The following CD164L2 variants were observed in gnomAD, a reference collection of about 807,000 sequenced individuals.
CD164L2 encodes the protein CD164 molecule like 2.
A neutral mutation model predicts 23.9 loss-of-function variants in CD164L2; 21 were observed. The observed-to-expected ratio is 0.88, with a 90% CI of 0.62 to 1.27. The LOEUF is 1.27. Among genes scored for constraint, CD164L2 ranks in the 50% most tolerant of loss-of-function variants. The pLI is 0.00. For synonymous variants in CD164L2, 92 were observed against 90.2 expected, an observed-to-expected ratio of 1.02 and a Z score of -0.11; for missense variants, 230 against 224.8, an observed-to-expected ratio of 1.02 and a Z score of -0.15.
rs781117024 is a variant in CD164L2, at chr1:27,383,165, C to T, written c.75G>A (p.Gln25=). Residue 25 remains glutamine, a synonymous_variant, in exon 1 of 6, where the codon CAG becomes CAA. Coordinates refer to ENST00000374030, the MANE Select transcript of CD164L2 (RefSeq NM_001330448.1). ...GGCCCLLLCA[Q]LAVAGKGARG... is the part of the protein sequence containing the mutation. The stretch of plus-strand genomic sequence containing the variant: ...GCCGCGAGTTACCAGCCACAGCCAG[C>T]TGGGCACATAGGAGGAGGCAGCAAC... The T allele has an allele frequency of 1.9e-6, 3 of 1,548,722 alleles. No individual in the cohort carries two copies. In the East Asian group the frequency reaches 7.3e-5, roughly 38 times the overall value.
At position 27,382,528 on chromosome 1, in the gene CD164L2, C is replaced by T. The variant is rs201003060; in HGVS notation, c.228G>A (p.Val76=). 120 of 1,611,500 alleles carry T rather than the reference C, an allele frequency of 7.4e-5. No homozygotes were observed. The highest frequency in any genetic ancestry group is 1.7e-4 in the Middle Eastern group (1 of 6,012). The change falls in exon 2 of 6, where the codon GTG becomes GTA. Residue 76 remains valine (V), a synonymous_variant. Transcript: ENST00000374030. ...GCTCCTCTGGCCGGCACTGCTCCCA[C>T]ACGCAGCTGGAGAGATTGCGCGCTC... ...GDGARNLSSC[V]WEQCRPEEPG... is the part of the protein sequence containing the mutation.
Position 27,381,769 on chromosome 1 carries a change from G to A in CD164L2, c.373+11C>T. The stretch of plus-strand genomic sequence containing the variant: ...GCTCCTCCCACTGCCCCGTCTCCAG[G>A]GAGTACTCACCTGTTGTGACTGTCT... On this transcript the variant is annotated intron_variant, in intron 4 of 5. Coordinates refer to ENST00000374030, the MANE Select transcript of CD164L2 (RefSeq NM_001330448.1). 1 of 1,613,772 alleles carries A rather than the reference G, an allele frequency of 6.2e-7. No homozygotes were observed. Among genetic ancestry groups the A allele is most frequent in the South Asian group, 1.1e-5 (1 of 91,034 alleles).
chr1:27,380,211 A>G lies in CD164L2; in HGVS notation c.374-16T>C. On this transcript the variant is annotated splice_polypyrimidine_tract_variant and intron_variant, in intron 4 of 5. Transcript: ENST00000374030. ...GGGGGGCTCCCTGCAGGGGTGAGGCAGGGCAGGGGTCATAGCAGTCACTGT... is the reference window on the plus strand; with the variant it reads ...GGGGGGCTCCCTGCAGGGGTGAGGCGGGGCAGGGGTCATAGCAGTCACTGT... The G allele has an allele frequency of 1.2e-6, 2 of 1,611,404 alleles. No individual in the cohort carries two copies. The highest frequency in any genetic ancestry group is 1.7e-6 in the Non-Finnish European group (2 of 1,178,146).
intron 1 of CD164L2, 81 bp from the exon 2 acceptor site, chr1:27,382,748 G>A (rs1485059970): frequency 2.4e-6 from 3 of 1,255,320 alleles, no homozygotes; most frequent in Non-Finnish European, 3.1e-6. Flanking sequence ...CCAACACTCC[G>A]GTGGCCCTCG....
In CD164L2 at chr1:27,381,761, G is replaced by A. The variant is rs367706585; in HGVS notation, c.373+19C>T. 8.7e-5 allele frequency: 140 copies of A among 1,613,444 alleles called. No individual in the cohort carries two copies. In the African/African-American group the frequency reaches 1.5e-3, roughly 17 times the overall value. On this transcript the variant is annotated intron_variant, in intron 4 of 5. Transcript: ENST00000374030. ...GCACCTCTGCTCCTCCCACTGCCCC[G>A]TCTCCAGGGAGTACTCACCTGTTGT...
chr1:27,382,178 G>A (rs1397471029), intron 3 of CD164L2, 150 bp downstream of exon 3: 2 of 1,572,962 alleles, frequency 1.3e-6, no homozygotes, highest in East Asian at 2.4e-5. Flanking sequence ...GAGAGGAGGG[G>A]ACTTCTCAGT....
chr1:27,380,342 G>T, intron 4 of CD164L2, 147 bp from the exon 5 acceptor site: 2 of 711,236 alleles, frequency 2.8e-6, no homozygotes, highest in East Asian at 2.7e-5. Context: ...TCCAGATCCC[G>T]CAGGCAGTTG....
chr1:27,382,579 G>A lies in CD164L2; in HGVS notation c.177C>T (p.Val59=). ...CGTCTCCCTCCACGCAGTGCTCACAGACCTCCAGCTGTTTGCAGGCCCCTT... is the reference window on the plus strand; with the variant it reads ...CGTCTCCCTCCACGCAGTGCTCACAAACCTCCAGCTGTTTGCAGGCCCCTT... ...AVQGACKQLE[V]CEHCVEGDGA... is the part of the protein sequence containing the mutation. Residue 59 remains valine (V), a synonymous_variant, in exon 2 of 6, where the codon GTC becomes GTT. Transcript: ENST00000374030. The A allele has an allele frequency of 6.2e-7, 1 of 1,613,640 alleles. No individual in the cohort carries two copies. The highest frequency in any genetic ancestry group is 8.5e-7 in the Non-Finnish European group (1 of 1,179,936).
In CD164L2 at chr1:27,380,140, G is replaced by A. The variant is rs145796710; in HGVS notation, c.429C>T (p.Ile143=). Residue 143 remains isoleucine, a synonymous_variant, in exon 5 of 6, where the codon ATC becomes ATT. Coordinates refer to ENST00000374030, the MANE Select transcript of CD164L2 (RefSeq NM_001330448.1). ...GGCTCAACACCAGCACGACACCTCC[G>A]ATAAAGCTGGCCCCGTCAAATCCAG... ...HSPGFDGASF[I]GGVVLVLSLQ... The A allele has an allele frequency of 5.3e-5, 86 of 1,614,148 alleles. No homozygotes were observed. The African/African-American group carries it at 9.5e-4, about 18-fold the overall frequency.
At chr1:27,382,232 A>C (rs1231673489) in intron 3 of CD164L2, 96 bp downstream of exon 3, 1 of 1,613,272 alleles carries the variant, frequency 6.2e-7, no homozygotes, top group East Asian at 2.2e-5. Flanking sequence ...ATGGGTGAGC[A>C]AAATCCACCG....
At position 27,380,072 on chromosome 1, in the gene CD164L2, T is replaced by C. The variant is rs772129402; in HGVS notation, c.497A>G (p.Lys166Arg). ...AFFVLHFLKAKDSTYQTLI is the reference protein window; with the variant it reads ...AFFVLHFLKARDSTYQTLI Reference sequence around the variant, plus strand: ...TCACAGCGTCTGGTAGGTGCTGTCCTTGGCCTTGAGGAAGTGCAGCACAAA... The same window carrying C: ...TCACAGCGTCTGGTAGGTGCTGTCCCTGGCCTTGAGGAAGTGCAGCACAAA... Residue 166 changes from lysine to arginine, a missense_variant, in exon 5 of 6, where the codon AAG (lysine) becomes AGG (arginine). Transcript: ENST00000374030. 5.0e-6 allele frequency: 8 copies of C among 1,613,998 alleles called. No individual in the cohort carries two copies. The African/African-American group carries it at 8.0e-5, about 16-fold the overall frequency.
At position 27,379,527 on chromosome 1, in the gene CD164L2, G is replaced by A. The variant is rs1463526507; in HGVS notation, c.519-18C>T. On this transcript the variant is annotated intron_variant, in intron 5 of 5. Coordinates refer to ENST00000374030, the MANE Select transcript of CD164L2 (RefSeq NM_001330448.1). The stretch of plus-strand genomic sequence containing the variant: ...GTCAGATTCTGCAGAGGCCAAAGAG[G>A]ACACTCAGGAAGGTGACACTGCCTC... 1.3e-6 allele frequency: 2 copies of A among 1,550,484 alleles called. No homozygotes were observed. Among genetic ancestry groups the A allele is most frequent in the East Asian group, 2.4e-5 (1 of 40,908 alleles).
At chr1:27,381,311 T>C (rs958610684) in intron 4 of CD164L2, among the ~76,000 whole-genome samples, 1 of 152,178 alleles carries the variant, frequency 6.6e-6, no homozygotes, top group African/African-American at 2.4e-5. Context: ...CTGCCAAGTC[T>C]GGTGACCTCC....
chr1:27,381,363 C>A (rs1318410973), intron 4 of CD164L2, among the ~76,000 whole-genome samples: 1 of 152,170 alleles, frequency 6.6e-6, no homozygotes, highest in Non-Finnish European at 1.5e-5. Flanking sequence ...GGCATTCTTG[C>A]CTCTACTCCG....
chr1:27,379,932 C>T, intron 5 of CD164L2, 119 bp downstream of exon 5: 2 of 1,529,516 alleles, frequency 1.3e-6, no homozygotes, highest in Non-Finnish European at 1.8e-6. Flanking sequence ...AGCACGCTGT[C>T]ACCGTCCTGA....
At position 27,379,487 on chromosome 1, in the gene CD164L2, T is replaced by C. The variant is rs1252702765; in HGVS notation, c.*16A>G. On this transcript the variant is annotated 3_prime_UTR_variant, in exon 6 of 6. Coordinates refer to ENST00000374030, the MANE Select transcript of CD164L2 (RefSeq NM_001330448.1). ...ATCCTCCTTTCCCCTCAGGATGGAG[T>C]CCAGGCCCAAAGGGGTCAGATTCTG... The C allele has an allele frequency of 2.6e-6, 4 of 1,542,450 alleles. No homozygotes were observed. In the South Asian group the frequency reaches 3.6e-5, roughly 14 times the overall value.
At position 27,382,343 on chromosome 1, in the gene CD164L2, A is replaced by C; in HGVS notation, c.313T>G (p.Ser105Ala). 6.2e-7 allele frequency: 1 copy of C among 1,613,942 alleles called. No individual in the cohort carries two copies. The highest frequency in any genetic ancestry group is 1.3e-5 in the African/African-American group (1 of 74,978). Residue 105 changes from serine (S) to alanine (A), a missense_variant, in exon 3 of 6, where the codon TCA (serine) becomes GCA (alanine). Ser to Ala is a moderately conservative substitution (Grantham distance 99). Coordinates refer to ENST00000374030, the MANE Select transcript of CD164L2 (RefSeq NM_001330448.1). ...VKEGCSIYNRSEACPAAHHHP... is the reference protein window; with the variant it reads ...VKEGCSIYNRAEACPAAHHHP... ...ACCCCCTTACCTGGACATGCCTCTG[A>C]GCGGTTGTAGATGGAGCAACCTTCC...
rs138011471 is a variant in CD164L2, at chr1:27,382,345, C to T, written c.311G>A (p.Arg104His). ...VVKEGCSIYNRSEACPAAHHH... is the reference protein window; with the variant it reads ...VVKEGCSIYNHSEACPAAHHH... ...CCCCTTACCTGGACATGCCTCTGAGCGGTTGTAGATGGAGCAACCTTCCTT... is the reference window on the plus strand; with the variant it reads ...CCCCTTACCTGGACATGCCTCTGAGTGGTTGTAGATGGAGCAACCTTCCTT... Residue 104 changes from arginine (R) to histidine (H), a missense_variant, in exon 3 of 6, where the codon CGC (arginine) becomes CAC (histidine). Physicochemically the swap from Arg to His is conservative, Grantham distance 29. Transcript: ENST00000374030. 5 of 1,613,840 alleles carry T rather than the reference C, an allele frequency of 3.1e-6. No homozygotes were observed. Among genetic ancestry groups the T allele is most frequent in the East Asian group, 4.5e-5 (2 of 44,852 alleles).
chr1:27,379,923 GCACGCTGT>G (rs2016306561), intron 5 of CD164L2, 120 bp downstream of exon 5: 4 of 1,523,506 alleles, frequency 2.6e-6, no homozygotes, highest in Non-Finnish European at 2.6e-6. Flanking sequence ...CTCACATGGA[GCACGCTGT>G]CACCGTCCTG....
Sources: allele counts gnomAD v4.1 joint callset (sites outside exome capture counted in the v4.1 genomes callset), GRCh38; gene constraint gnomAD v4.1.1; transcripts MANE v1.5; gene names NCBI Gene and HGNC (gene_info 2026-07-23, HGNC 2026-07-21).